Variants in PALLD observed in about 807,000 individuals in gnomAD.
PALLD encodes palladin, cytoskeletal associated protein.
Under a neutral mutation model 123.5 loss-of-function variants are expected in PALLD, and 61 were observed. The ratio of observed to expected loss-of-function variants is 0.49; its 90% CI spans 0.40 to 0.61. The LOEUF is 0.61. Among genes scored for constraint, PALLD ranks in the 20% least tolerant of loss-of-function variants. The probability of loss-of-function intolerance (pLI) is 0.00; values close to 1 mark genes in which losing one functional copy is unlikely to be tolerated. For missense variants in PALLD, 1,273 were observed against 1,377.0 expected, an observed-to-expected ratio of 0.92 and a Z score of 1.20; for synonymous variants, 465 against 496.4, an observed-to-expected ratio of 0.94 and a Z score of 0.84.
At chr4:168,599,996 C>T (rs1332048640) in intron 2 of PALLD, among the ~76,000 whole-genome samples, 10 of 145,748 alleles carry the variant, frequency 6.9e-5, no homozygotes, top group African/African-American at 2.0e-4. Context: ...CATGTGTATA[C>T]ACACACGTAT....
intron 18 of PALLD, among the ~76,000 whole-genome samples, chr4:168,923,929 A>C (rs1378276466): frequency 1.1e-4 from 2 of 17,424 alleles, no homozygotes; most frequent in African/African-American, 1.8e-4. Flanking sequence ...TAACATAATC[A>C]CTAGTAGTGA....
intron 2 of PALLD, among the ~76,000 whole-genome samples, chr4:168,620,294 A>C (rs1774633813): frequency 6.6e-6 from 1 of 152,132 alleles, no homozygotes; most frequent in Non-Finnish European, 1.5e-5. Context: ...GTCTCTACTA[A>C]AAATACAAAA....
intron 8 of PALLD, among the ~76,000 whole-genome samples, chr4:168,697,901 A>G (rs141797506): frequency 0.017 from 2,645 of 152,342 alleles, 87 homozygotes; most frequent in South Asian, 0.14. Flanking sequence ...CAGTATATCA[A>G]ATAGATATCT....
At chr4:168,901,458 G>A (rs1257870742) in intron 14 of PALLD, among the ~76,000 whole-genome samples, 1 of 152,164 alleles carries the variant, frequency 6.6e-6, no homozygotes, top group Non-Finnish European at 1.5e-5. Context: ...AAGTATAATG[G>A]AGGTGAAAAA....
At chr4:168,524,698 T>G in intron 2 of PALLD, among the ~76,000 whole-genome samples, 1 of 152,332 alleles carries the variant, frequency 6.6e-6, no homozygotes, top group South Asian at 2.1e-4. Context: ...CCACCACAGA[T>G]AGTGAGCAGT....
intron 2 of PALLD, among the ~76,000 whole-genome samples, chr4:168,534,899 C>A (rs774975485): frequency 1.3e-5 from 2 of 152,118 alleles, no homozygotes; most frequent in Non-Finnish European, 2.9e-5. Flanking sequence ...ATTCCTAATA[C>A]AACCTAATAC....
chr4:168,680,100 AG>A (rs1418744712), intron 3 of PALLD, among the ~76,000 whole-genome samples: 1 of 152,176 alleles, frequency 6.6e-6, no homozygotes, highest in Non-Finnish European at 1.5e-5. Context: ...GATAGGCAAA[AG>A]TAGCCAAATG....
At chr4:168,810,831 A>AG (rs1561549649) in intron 10 of PALLD, among the ~76,000 whole-genome samples, 1 of 150,432 alleles carries the variant, frequency 6.6e-6, no homozygotes, top group African/African-American at 2.5e-5. Flanking sequence ...AAAAAAGAAA[A>AG]AAAAAGAAGA....
At chr4:168,636,677 G>A (rs893976177) in intron 2 of PALLD, among the ~76,000 whole-genome samples, 8 of 152,170 alleles carry the variant, frequency 5.3e-5, no homozygotes, top group African/African-American at 1.9e-4. Flanking sequence ...TGGCTGGAAG[G>A]GACTTTAAGA....
At chr4:168,716,359 T>A (rs1785370152) in intron 10 of PALLD, among the ~76,000 whole-genome samples, 1 of 152,216 alleles carries the variant, frequency 6.6e-6, no homozygotes, top group Non-Finnish European at 1.5e-5. Flanking sequence ...AAAGTCTGTG[T>A]CCTTTTGCCT....
At chr4:168,838,339 G>A (rs766224707) in intron 10 of PALLD, among the ~76,000 whole-genome samples, 5 of 152,274 alleles carry the variant, frequency 3.3e-5, no homozygotes, top group South Asian at 2.1e-4. Flanking sequence ...GAAAACAGGC[G>A]GAATCTGGGG....
chr4:168,764,061 G>T (rs1288611431), intron 10 of PALLD, among the ~76,000 whole-genome samples: 2 of 151,870 alleles, frequency 1.3e-5, no homozygotes, highest in African/African-American at 4.8e-5. Flanking sequence ...AGAGTGCCAC[G>T]GATATAAATA....
chr4:168,622,597 T>C (rs1774870406), intron 2 of PALLD, among the ~76,000 whole-genome samples: 1 of 152,224 alleles, frequency 6.6e-6, no homozygotes, highest in African/African-American at 2.4e-5. Flanking sequence ...TTGAAGTTGA[T>C]TGCAATCTCC....
intron 2 of PALLD, among the ~76,000 whole-genome samples, chr4:168,530,861 C>T (rs2149481097): frequency 6.6e-6 from 1 of 152,298 alleles, no homozygotes; most frequent in South Asian, 2.1e-4. Context: ...TCCAAACTGC[C>T]CTTTCTTCTC....
chr4:168,708,916 C>A, intron 8 of PALLD, 112 bp from the exon 9 acceptor site: 1 of 936,164 alleles, frequency 1.1e-6, no homozygotes, highest in Non-Finnish European at 1.7e-6. Flanking sequence ...TAAAGTGAAT[C>A]TGTAATAATC....
At chr4:168,665,144 T>C (rs1414466932) in intron 2 of PALLD, among the ~76,000 whole-genome samples, 2 of 152,220 alleles carry the variant, frequency 1.3e-5, no homozygotes, top group Non-Finnish European at 2.9e-5. Flanking sequence ...GATACAATCA[T>C]GTTTCTGAGA....
rs75021785 is a variant in PALLD, at chr4:168,788,880, G to A, written c.1964+76957G>A. Reference sequence around the variant, plus strand: ...AAAATTAATGGCAATAAATGAATGAGTAAAGCATGATTAATACATATACTA... The same window carrying A: ...AAAATTAATGGCAATAAATGAATGAATAAAGCATGATTAATACATATACTA... On this transcript the variant is annotated intron_variant, in intron 10 of 21. Transcript: ENST00000505667. Among the ~76,000 whole-genome samples the A allele has an allele frequency of 1.2e-3, 180 of 152,044 alleles. No individual in the cohort carries two copies. In the East Asian group the frequency reaches 0.013, roughly 11 times the overall value.
chr4:168,784,775 C>T (rs1736444315), intron 10 of PALLD, among the ~76,000 whole-genome samples: 1 of 152,170 alleles, frequency 6.6e-6, no homozygotes, highest in South Asian at 2.1e-4. Flanking sequence ...AGTTTCATAG[C>T]AGGAAGAGCG....
At chr4:168,870,913 G>C (rs185153427) in intron 10 of PALLD, among the ~76,000 whole-genome samples, 1 of 152,182 alleles carries the variant, frequency 6.6e-6, no homozygotes, top group Admixed American at 6.5e-5. Flanking sequence ...GAATGCCATA[G>C]AGCTTGATGG....
Sources: allele counts gnomAD v4.1 joint callset (sites outside exome capture counted in the v4.1 genomes callset), GRCh38; gene constraint gnomAD v4.1.1; transcripts MANE v1.5; gene names NCBI Gene and HGNC (gene_info 2026-07-23, HGNC 2026-07-21).